MEIKIN: variants seen among roughly 807,000 people sequenced by gnomAD.
MEIKIN encodes meiosis-specific kinetochore protein.
At chr5:131,886,101 A>T (rs1448575336) in intron 8 of MEIKIN, among the ~76,000 whole-genome samples, 2 of 152,320 alleles carry the variant, frequency 1.3e-5, no homozygotes, top group Admixed American at 6.5e-5. Context: ...CAGGTTATTT[A>T]AAAATACATA....
chr5:131,893,709 G>T (rs1342010665), intron 8 of MEIKIN, among the ~76,000 whole-genome samples: 1 of 152,188 alleles, frequency 6.6e-6, no homozygotes, highest in Non-Finnish European at 1.5e-5. Context: ...GACTGGAGCT[G>T]TTCCTATTCG....
At chr5:131,904,085 G>A (rs1188285777) in intron 8 of MEIKIN, among the ~76,000 whole-genome samples, 1 of 152,000 alleles carries the variant, frequency 6.6e-6, no homozygotes, top group Non-Finnish European at 1.5e-5. Flanking sequence ...AATCTAAGAA[G>A]GGCATTATGG....
In MEIKIN at chr5:131,885,500, C is replaced by A. The variant is rs544712194; in HGVS notation, c.704-6452G>T. ...TCTCTGCCTGGTAATCCAGATAATT[C>A]TTTCAGATCTTATCTAAGACCACCA... On this transcript the variant is annotated intron_variant, in intron 8 of 12. Coordinates refer to ENST00000442687, the MANE Select transcript of MEIKIN (RefSeq NM_001303622.2). Among the ~76,000 whole-genome samples the A allele has an allele frequency of 4.0e-5, 6 of 151,728 alleles. No individual in the cohort carries two copies. The East Asian group carries it at 9.7e-4, about 24-fold the overall frequency.
At chr5:131,845,223 T>C (rs1449212063) in intron 11 of MEIKIN, among the ~76,000 whole-genome samples, 4 of 129,962 alleles carry the variant, frequency 3.1e-5, no homozygotes, top group African/African-American at 1.2e-4. Context: ...TGAGCCGAGA[T>C]GGCACCACTG....
At chr5:131,924,880 C>G (rs2149649136) in intron 5 of MEIKIN, among the ~76,000 whole-genome samples, 1 of 152,162 alleles carries the variant, frequency 6.6e-6, no homozygotes, top group South Asian at 2.1e-4. Flanking sequence ...GTAGCATATC[C>G]ACGAAATCAC....
At chr5:131,935,505 G>T (rs575634576) in intron 4 of MEIKIN, among the ~76,000 whole-genome samples, 1 of 152,058 alleles carries the variant, frequency 6.6e-6, no homozygotes, top group Non-Finnish European at 1.5e-5. Flanking sequence ...CAGAGATTTG[G>T]TAAGAAAAGG....
chr5:131,896,893 ATAT>A lies in MEIKIN; in HGVS notation c.703+14919_703+14921del, dbSNP rs374465033. The stretch of plus-strand genomic sequence containing the variant: ...TTAGCCCATTTTACATTTAAGGTTA[ATAT>A]TATTATGTGTGAATTTGATCCTGTC... On this transcript the variant is annotated intron_variant, in intron 8 of 12. Transcript: ENST00000442687. 2.0e-4 allele frequency among the ~76,000 whole-genome samples: 31 copies of A among 152,314 alleles called. 1 individual carries two copies. In the South Asian group the frequency reaches 5.6e-3, roughly 28 times the overall value.
intron 11 of MEIKIN, among the ~76,000 whole-genome samples, chr5:131,821,321 ATTGATT>A (rs1749491566): frequency 6.6e-6 from 1 of 152,036 alleles, no homozygotes; most frequent in African/African-American, 2.4e-5. Context: ...ATTCCTCATT[ATTGATT>A]TTAAGTTTTA....
chr5:131,945,042 A>G, intron 2 of MEIKIN, 114 bp downstream of exon 2: 7 of 398,456 alleles, frequency 1.8e-5, no homozygotes, highest in Non-Finnish European at 3.1e-5. Flanking sequence ...AAATCAGAGT[A>G]CTGTATTTGT....
intron 8 of MEIKIN, among the ~76,000 whole-genome samples, chr5:131,880,574 G>A (rs2149629023): frequency 6.6e-6 from 1 of 152,222 alleles, no homozygotes; most frequent in South Asian, 2.1e-4. Context: ...ATACTACCTT[G>A]AATTAAGGCA....
At chr5:131,816,912 C>A (rs920496203) in intron 12 of MEIKIN, among the ~76,000 whole-genome samples, 1 of 152,152 alleles carries the variant, frequency 6.6e-6, no homozygotes, top group Admixed American at 6.5e-5. Context: ...ATAAGGGATA[C>A]TCAGAAAGCT....
intron 8 of MEIKIN, among the ~76,000 whole-genome samples, chr5:131,903,455 A>G (rs1561750835): frequency 2.0e-5 from 3 of 152,222 alleles, no homozygotes; most frequent in Admixed American, 1.3e-4. Flanking sequence ...CAGACCTATC[A>G]GCAGAAACCC....
At chr5:131,909,642 G>T (rs1389630898) in intron 8 of MEIKIN, among the ~76,000 whole-genome samples, 1 of 151,970 alleles carries the variant, frequency 6.6e-6, no homozygotes, top group Non-Finnish European at 1.5e-5. Context: ...ATAGAATGGG[G>T]GGAAATATTT....
intron 8 of MEIKIN, among the ~76,000 whole-genome samples, chr5:131,885,013 C>T (rs567112732): frequency 2.0e-5 from 3 of 152,296 alleles, no homozygotes; most frequent in African/African-American, 2.4e-5. Context: ...AGCCACAGTA[C>T]AACAGAAAAC....
chr5:131,889,224 G>A (rs1750861712), intron 8 of MEIKIN, among the ~76,000 whole-genome samples: 1 of 152,166 alleles, frequency 6.6e-6, no homozygotes, highest in Admixed American at 6.5e-5. Flanking sequence ...GAACTTGAAA[G>A]TAGTTTTTTC....
At chr5:131,893,263 TG>T (rs143093037) in intron 8 of MEIKIN, among the ~76,000 whole-genome samples, 34,022 of 152,090 alleles carry the variant, frequency 0.22, 4,002 homozygotes, top group East Asian at 0.49. Context: ...CCAGCCGCTT[TG>T]TTTACCTAAT....
chr5:131,872,815 C>A (rs1456712055), intron 9 of MEIKIN, among the ~76,000 whole-genome samples: 2 of 152,230 alleles, frequency 1.3e-5, no homozygotes, highest in East Asian at 3.8e-4. Flanking sequence ...AGAAACTCTA[C>A]AAGCCAGAAG....
At chr5:131,882,680 T>C (rs759624040) in intron 8 of MEIKIN, among the ~76,000 whole-genome samples, 1 of 152,198 alleles carries the variant, frequency 6.6e-6, no homozygotes, top group East Asian at 1.9e-4. Flanking sequence ...ATAAAATCCA[T>C]AGTCCTTACA....
chr5:131,893,703 G>A (rs1013365464), intron 8 of MEIKIN, among the ~76,000 whole-genome samples: 2 of 152,136 alleles, frequency 1.3e-5, no homozygotes, highest in African/African-American at 4.8e-5. Flanking sequence ...CCCGCAGACT[G>A]GAGCTGTTCC....
Sources: allele counts gnomAD v4.1 joint callset (sites outside exome capture counted in the v4.1 genomes callset), GRCh38; gene constraint gnomAD v4.1.1; transcripts MANE v1.5; gene names NCBI Gene and HGNC (gene_info 2026-07-23, HGNC 2026-07-21).